ETV6: variants seen among roughly 807,000 people sequenced by gnomAD.
ETV6 encodes the protein transcription factor ETV6.
A neutral mutation model predicts 51.1 loss-of-function variants in ETV6; 16 were observed. That is an observed-to-expected ratio of 0.31 (90% CI 0.21 to 0.48). ETV6 has a LOEUF of 0.48. Ranked by LOEUF, ETV6 falls within the 20% of genes least tolerant of loss-of-function variation. The pLI is 0.99. For synonymous variants in ETV6, 240 were observed against 224.1 expected (o/e 1.07, Z -0.64); for missense variants, 458 against 594.8 (o/e 0.77, Z 2.39).
chr12:11,655,062 A>G (rs1863975073), intron 1 of ETV6, among the ~76,000 whole-genome samples: 1 of 152,148 alleles, frequency 6.6e-6, no homozygotes, highest in South Asian at 2.1e-4. Flanking sequence ...GCACACCAGG[A>G]AAGAGCTGGG....
intron 5 of ETV6, among the ~76,000 whole-genome samples, chr12:11,870,982 C>A (rs1236850345): frequency 6.6e-6 from 1 of 152,064 alleles, no homozygotes; most frequent in African/African-American, 2.4e-5. Context: ...GGGGAGAGAG[C>A]CTGATACTGA....
intron 4 of ETV6, among the ~76,000 whole-genome samples, chr12:11,859,667 G>A (rs994972433): frequency 2.0e-5 from 3 of 152,198 alleles, no homozygotes; most frequent in African/African-American, 7.2e-5. Flanking sequence ...AAACCCAGGT[G>A]GGGTTGATGC....
Position 11,869,293 on chromosome 12 carries a change from C to A in ETV6, c.464-131C>A. 2.6e-6 allele frequency: 2 copies of A among 762,638 alleles called. No homozygotes were observed. The highest frequency in any genetic ancestry group is 4.2e-6 in the Non-Finnish European group (2 of 470,728). 47.2% of individuals were successfully genotyped at this position (762,638 alleles called of 1,614,324 possible). On this transcript the variant is annotated intron_variant, in intron 4 of 7. Transcript: ENST00000396373. The surrounding 1 kb of genome is among the most constrained non-coding windows in gnomAD (Gnocchi z 5.0). Reference sequence around the variant, plus strand: ...AAATTGTTAAGCAGTGAAAAAGACACTGCATTCTGGGGAGAAAGGTCCTTT... The same window carrying A: ...AAATTGTTAAGCAGTGAAAAAGACAATGCATTCTGGGGAGAAAGGTCCTTT...
intron 1 of ETV6, among the ~76,000 whole-genome samples, chr12:11,660,473 C>T (rs1362903108): frequency 6.6e-6 from 1 of 151,834 alleles, no homozygotes; most frequent in Admixed American, 6.6e-5. Context: ...GTGGTAGGTG[C>T]CTGTAATCCC....
chr12:11,724,169 C>T lies in ETV6; in HGVS notation c.34-28281C>T, dbSNP rs547438881. On this transcript the variant is annotated intron_variant, in intron 1 of 7. Coordinates refer to ENST00000396373, the MANE Select transcript of ETV6 (RefSeq NM_001987.5). ...TCGTAAGCAGGTCAGCTGCCTGAGT[C>T]TCCAGTTACTCTTGCAGCTCAGGTT... Among the ~76,000 whole-genome samples the T allele has an allele frequency of 8.5e-5, 13 of 152,294 alleles. No homozygotes were observed. In the South Asian group the frequency reaches 1.5e-3, roughly 17 times the overall value.
At position 11,653,433 on chromosome 12, in the gene ETV6, C is replaced by G. The variant is rs567224908; in HGVS notation, c.33+3273C>G. On this transcript the variant is annotated intron_variant, in intron 1 of 7. Coordinates refer to ENST00000396373, the MANE Select transcript of ETV6 (RefSeq NM_001987.5). Reference sequence around the variant, plus strand: ...TCCCCTCCTTCCCTGCTGTCCGTATCAGTCAGCTTTCATAGCAGAAGGAAA... The same window carrying G: ...TCCCCTCCTTCCCTGCTGTCCGTATGAGTCAGCTTTCATAGCAGAAGGAAA... Among the ~76,000 whole-genome samples, 4 of 152,312 alleles carry G rather than the reference C, an allele frequency of 2.6e-5. No homozygotes were observed. In the South Asian group the frequency reaches 8.3e-4, roughly 32 times the overall value.
At chr12:11,746,577 G>A (rs1224035524) in intron 1 of ETV6, among the ~76,000 whole-genome samples, 1 of 152,048 alleles carries the variant, frequency 6.6e-6, no homozygotes, top group Non-Finnish European at 1.5e-5. Context: ...ATGTATTTAT[G>A]GGTAAAAGGA....
At chr12:11,733,257 A>C (rs542209852) in intron 1 of ETV6, among the ~76,000 whole-genome samples, 2 of 152,040 alleles carry the variant, frequency 1.3e-5, no homozygotes, top group Non-Finnish European at 2.9e-5. Flanking sequence ...AAATACAAAA[A>C]TTTAGCCAGG....
intron 1 of ETV6, among the ~76,000 whole-genome samples, chr12:11,652,651 G>A (rs1287704665): frequency 6.6e-6 from 1 of 152,170 alleles, no homozygotes; most frequent in Non-Finnish European, 1.5e-5. Flanking sequence ...CTTACAAGTA[G>A]CGGGTCAGCA....
intron 1 of ETV6, among the ~76,000 whole-genome samples, chr12:11,724,742 C>A (rs1865455908): frequency 6.6e-6 from 1 of 152,160 alleles, no homozygotes; most frequent in Non-Finnish European, 1.5e-5. Context: ...GAAACAGTTC[C>A]TTAAGATATT....
chr12:11,704,235 C>T (rs189907874), intron 1 of ETV6, among the ~76,000 whole-genome samples: 15 of 152,274 alleles, frequency 9.9e-5, no homozygotes, highest in African/African-American at 3.6e-4. Flanking sequence ...CTGAATGAAT[C>T]AGTGAGTAGT....
chr12:11,724,277 G>A (rs537294853), intron 1 of ETV6, among the ~76,000 whole-genome samples: 4 of 152,274 alleles, frequency 2.6e-5, no homozygotes, highest in African/African-American at 7.2e-5. Context: ...GTTTCCATGC[G>A]CAGCCTTCTT....
At chr12:11,786,362 A>G (rs1945485341) in intron 2 of ETV6, among the ~76,000 whole-genome samples, 2 of 151,158 alleles carry the variant, frequency 1.3e-5, no homozygotes, top group Non-Finnish European at 2.9e-5. Flanking sequence ...TTCCCTAATT[A>G]AAGATATATA....
chr12:11,823,209 C>T (rs1046719393), intron 2 of ETV6, among the ~76,000 whole-genome samples: 6 of 152,164 alleles, frequency 3.9e-5, no homozygotes, highest in African/African-American at 1.4e-4. Context: ...ATGGGGGAAT[C>T]TGTGACTATA....
intron 2 of ETV6, among the ~76,000 whole-genome samples, chr12:11,800,002 C>T (rs1017942245): frequency 7.2e-5 from 11 of 152,152 alleles, no homozygotes; most frequent in African/African-American, 2.7e-4. Context: ...TTACAGCCTT[C>T]ACTCAGTGCT....
intron 2 of ETV6, among the ~76,000 whole-genome samples, chr12:11,819,907 C>T (rs1244325204): frequency 2.6e-5 from 4 of 152,318 alleles, no homozygotes; most frequent in Admixed American, 6.5e-5. Flanking sequence ...GATTATGTTA[C>T]GCCCTTGTTT....
chr12:11,835,373 T>C (rs552140730), intron 2 of ETV6, among the ~76,000 whole-genome samples: 6 of 152,388 alleles, frequency 3.9e-5, no homozygotes, highest in African/African-American at 1.4e-4. Flanking sequence ...TTTTTTCCTT[T>C]TCCTAATGAT....
chr12:11,657,852 C>T (rs74062345), intron 1 of ETV6, among the ~76,000 whole-genome samples: 138 of 152,316 alleles, frequency 9.1e-4, no homozygotes, highest in African/African-American at 3.2e-3. Flanking sequence ...TTCTTTGGTT[C>T]TTACCTGTAA....
intron 2 of ETV6, among the ~76,000 whole-genome samples, chr12:11,838,821 AC>A (rs1267341937): frequency 6.6e-6 from 1 of 152,244 alleles, no homozygotes; most frequent in African/African-American, 2.4e-5. Flanking sequence ...TCTAAGACCT[AC>A]CATCCCTTAA....
Sources: gnomAD v4.1 joint callset for allele counts (sites outside exome capture counted in the v4.1 genomes callset) on GRCh38, gnomAD v4.1.1 for gene constraint, Gnocchi (gnomAD v3.1) non-coding constraint, MANE v1.5 for transcripts, NCBI Gene and HGNC (gene_info 2026-07-23, HGNC 2026-07-21) for gene names.